The following GRID2 variants were observed in gnomAD, a reference collection of about 807,000 sequenced individuals.
The protein encoded by GRID2 is glutamate receptor ionotropic, delta-2.
A neutral mutation model predicts 114.8 loss-of-function variants in GRID2; 33 were observed. That is an observed-to-expected ratio of 0.29 (90% CI 0.22 to 0.38). The LOEUF is 0.38. Among genes scored for constraint, GRID2 ranks in the 10% least tolerant of loss-of-function variants. The pLI is 1.00. For synonymous variants in GRID2, 505 were observed against 449.9 expected (o/e 1.12, Z -1.55); for missense variants, 1,184 against 1,257.7 (o/e 0.94, Z 0.89).
intron 4 of GRID2, among the ~76,000 whole-genome samples, chr4:93,178,971 T>C (rs1739631325): frequency 6.6e-6 from 1 of 152,104 alleles, no homozygotes; most frequent in South Asian, 2.1e-4. Context: ...TCAAGATTTC[T>C]GGCTCTTTTA....
chr4:92,733,973 G>A (rs1207423188), intron 2 of GRID2, among the ~76,000 whole-genome samples: 1 of 152,038 alleles, frequency 6.6e-6, no homozygotes, highest in African/African-American at 2.4e-5. Context: ...CCAATTATGT[G>A]TGAAAGGGAA....
intron 14 of GRID2, among the ~76,000 whole-genome samples, chr4:93,708,862 T>A (rs973762495): frequency 1.3e-5 from 2 of 152,014 alleles, no homozygotes; most frequent in Non-Finnish European, 1.5e-5. Context: ...CTGTATCTGT[T>A]ACAGAGTTTT....
At chr4:93,767,619 C>T (rs1733775262) in intron 14 of GRID2, among the ~76,000 whole-genome samples, 1 of 152,150 alleles carries the variant, frequency 6.6e-6, no homozygotes, top group African/African-American at 2.4e-5. Flanking sequence ...GAGACCAACC[C>T]TCTACCAGAG....
chr4:93,192,384 T>C (rs150339707), intron 4 of GRID2, among the ~76,000 whole-genome samples: 261 of 152,294 alleles, frequency 1.7e-3, no homozygotes, highest in African/African-American at 6.0e-3. Flanking sequence ...GTGAATAGTT[T>C]ACAACTTATA....
intron 1 of GRID2, among the ~76,000 whole-genome samples, chr4:92,581,198 CTT>C (rs772006248): frequency 1.2e-4 from 17 of 137,806 alleles, no homozygotes; most frequent in Admixed American, 1.5e-4. Flanking sequence ...TCCCCCCACC[CTT>C]TTTTTTTTTT....
intron 3 of GRID2, among the ~76,000 whole-genome samples, chr4:93,101,630 A>G (rs1731717545): frequency 6.6e-6 from 1 of 152,122 alleles, no homozygotes; most frequent in South Asian, 2.1e-4. Flanking sequence ...TTCCTACCCT[A>G]ATCTACTTTA....
chr4:93,327,464 G>T (rs947796447), intron 8 of GRID2, among the ~76,000 whole-genome samples: 1 of 151,888 alleles, frequency 6.6e-6, no homozygotes, highest in Non-Finnish European at 1.5e-5. Context: ...AATCCTGTCA[G>T]TTCTATCTTA....
intron 14 of GRID2, among the ~76,000 whole-genome samples, chr4:93,754,697 A>C (rs979627999): frequency 1.6e-4 from 25 of 152,184 alleles, no homozygotes; most frequent in African/African-American, 5.3e-4. Flanking sequence ...GCACTTCTAC[A>C]ATTATTCATT....
At chr4:93,510,587 T>G (rs1729066881) in intron 12 of GRID2, among the ~76,000 whole-genome samples, 1 of 152,176 alleles carries the variant, frequency 6.6e-6, no homozygotes, top group African/African-American at 2.4e-5. Flanking sequence ...TTTATGACCA[T>G]TTAGTATCAT....
intron 2 of GRID2, among the ~76,000 whole-genome samples, chr4:92,749,017 C>T (rs548999927): frequency 4.4e-4 from 66 of 150,082 alleles, no homozygotes; most frequent in African/African-American, 1.4e-3. Context: ...TTTTTGGAGG[C>T]GGAGTCTTGC....
chr4:93,078,742 G>GTGTATACAAATATAATTATATTATATT (rs1560855673), intron 2 of GRID2, among the ~76,000 whole-genome samples: 1 of 136,418 alleles, frequency 7.3e-6, no homozygotes, highest in African/African-American at 2.6e-5. Flanking sequence ...TTTATATACT[G>GTGTATACAAATATAATTATATTATATT]TATATACTAA....
At chr4:92,319,408 T>G (rs980834928) in intron 1 of GRID2, among the ~76,000 whole-genome samples, 14 of 152,188 alleles carry the variant, frequency 9.2e-5, no homozygotes, top group African/African-American at 3.4e-4. Flanking sequence ...AATAGTTCAT[T>G]TTAATCTGTA....
chr4:92,330,963 A>G (rs992976097), intron 1 of GRID2, among the ~76,000 whole-genome samples: 20 of 152,138 alleles, frequency 1.3e-4, no homozygotes, highest in African/African-American at 3.6e-4. Context: ...CACTTATCAA[A>G]ATTCATTTAA....
chr4:93,739,811 G>A (rs1242249794), intron 14 of GRID2, among the ~76,000 whole-genome samples: 2 of 152,058 alleles, frequency 1.3e-5, no homozygotes, highest in East Asian at 1.9e-4. Context: ...CTCAGCTTCC[G>A]GTTGACCTGA....
intron 2 of GRID2, among the ~76,000 whole-genome samples, chr4:92,845,516 A>T (rs1450065028): frequency 6.6e-6 from 1 of 152,032 alleles, no homozygotes; most frequent in Admixed American, 6.6e-5. Flanking sequence ...GGACATGTAG[A>T]TGGGGTACCT....
intron 2 of GRID2, among the ~76,000 whole-genome samples, chr4:92,990,455 G>T (rs1183068411): frequency 2.0e-5 from 3 of 151,496 alleles, no homozygotes; most frequent in African/African-American, 7.3e-5. Context: ...GATTACAGGT[G>T]CACGCCACCA....
chr4:93,805,868 A>T (rs1735019043), intron 1 of GRID2, among the ~76,000 whole-genome samples: 1 of 152,186 alleles, frequency 6.6e-6, no homozygotes, highest in African/African-American at 2.4e-5. Context: ...AAGCCGAGGC[A>T]AGTGGATCAC....
intron 4 of GRID2, among the ~76,000 whole-genome samples, chr4:93,167,558 C>A (rs1738373017): frequency 6.6e-6 from 1 of 151,992 alleles, no homozygotes; most frequent in Admixed American, 6.6e-5. Context: ...AACACAACCA[C>A]CACCACCAAC....
chr4:92,834,139 CTTTATA>C (rs1450070347), intron 2 of GRID2, among the ~76,000 whole-genome samples: 1 of 151,996 alleles, frequency 6.6e-6, no homozygotes, highest in African/African-American at 2.4e-5. Context: ...TCCCCTGAAC[CTTTATA>C]TTTATATTGC....
Sources: allele counts gnomAD v4.1 joint callset (sites outside exome capture counted in the v4.1 genomes callset), GRCh38; gene constraint gnomAD v4.1.1; transcripts MANE v1.5; gene names NCBI Gene and HGNC (gene_info 2026-07-23, HGNC 2026-07-21).